Variants in FUT9 observed in about 807,000 individuals in gnomAD.
FUT9 encodes the protein fucosyltransferase 9.
FUT9 carries 15 observed loss-of-function variants against 29.7 expected under a neutral mutation model. The ratio of observed to expected loss-of-function variants is 0.51; its 90% CI spans 0.34 to 0.78. FUT9 has a LOEUF of 0.78. FUT9 is among the 30% of genes least tolerant of loss of function. The probability of loss-of-function intolerance (pLI) is 0.01; values close to 1 mark genes in which losing one functional copy is unlikely to be tolerated. For missense variants in FUT9, 319 were observed against 425.4 expected (o/e 0.75, Z 2.20); for synonymous variants, 169 against 153.7 (o/e 1.10, Z -0.74).
intron 2 of FUT9, among the ~76,000 whole-genome samples, chr6:96,169,735 CTG>C (rs1485047239): frequency 2.0e-5 from 3 of 152,062 alleles, no homozygotes; most frequent in Non-Finnish European, 4.4e-5. Flanking sequence ...TTTAAATGCT[CTG>C]TGTTTACCAA....
At chr6:96,031,517 A>G (rs533346029) in intron 1 of FUT9, among the ~76,000 whole-genome samples, 97 of 151,622 alleles carry the variant, frequency 6.4e-4, no homozygotes, top group African/African-American at 2.2e-3. Flanking sequence ...CTGCCCCCCA[A>G]GATCACGGCC....
At chr6:96,112,713 G>C (rs1331636137) in intron 1 of FUT9, among the ~76,000 whole-genome samples, 1 of 152,174 alleles carries the variant, frequency 6.6e-6, no homozygotes, top group Non-Finnish European at 1.5e-5. Flanking sequence ...TGCTTAACAA[G>C]TATTTTCGGT....
intron 2 of FUT9, among the ~76,000 whole-genome samples, chr6:96,172,718 C>G (rs539386838): frequency 1.3e-5 from 2 of 152,156 alleles, no homozygotes; most frequent in African/African-American, 4.8e-5. Flanking sequence ...CAAACAGGTT[C>G]TTCATCAAAA....
intron 2 of FUT9, among the ~76,000 whole-genome samples, chr6:96,187,318 T>C (rs1383105446): frequency 1.3e-5 from 2 of 152,110 alleles, no homozygotes; most frequent in Non-Finnish European, 2.9e-5. Context: ...TAGTCAGTTT[T>C]CCAACTGCAA....
intron 2 of FUT9, among the ~76,000 whole-genome samples, chr6:96,162,006 T>TA (rs1772913542): frequency 6.6e-6 from 1 of 152,222 alleles, no homozygotes; most frequent in Non-Finnish European, 1.5e-5. Context: ...GCATTTCTGT[T>TA]ACAGTGGTTT....
chr6:96,181,780 A>G (rs1183589640), intron 2 of FUT9, among the ~76,000 whole-genome samples: 3 of 152,016 alleles, frequency 2.0e-5, no homozygotes, highest in Non-Finnish European at 1.5e-5. Context: ...AGGGCTGAGT[A>G]GTATTCCACC....
intron 1 of FUT9, among the ~76,000 whole-genome samples, chr6:96,088,100 A>G (rs1396480897): frequency 6.6e-6 from 1 of 152,138 alleles, no homozygotes; most frequent in Non-Finnish European, 1.5e-5. Flanking sequence ...ATTACATAAT[A>G]TGTCTTCTTC....
At chr6:96,104,004 T>TC (rs1205172086) in intron 1 of FUT9, among the ~76,000 whole-genome samples, 1 of 152,204 alleles carries the variant, frequency 6.6e-6, no homozygotes, top group Non-Finnish European at 1.5e-5. Context: ...AACAGGCGGC[T>TC]AATCTCAGCT....
intron 1 of FUT9, among the ~76,000 whole-genome samples, chr6:96,046,990 C>A (rs1298674531): frequency 6.6e-6 from 1 of 152,154 alleles, no homozygotes. Flanking sequence ...AAAACTTTAT[C>A]TCTGAAACTG....
At chr6:96,029,060 C>A (rs924394544) in intron 1 of FUT9, among the ~76,000 whole-genome samples, 2 of 151,568 alleles carry the variant, frequency 1.3e-5, no homozygotes, top group African/African-American at 4.8e-5. Context: ...GTTCACCAGG[C>A]AAACAAATAT....
intron 1 of FUT9, among the ~76,000 whole-genome samples, chr6:96,021,372 C>T (rs1770066235): frequency 6.6e-6 from 1 of 151,670 alleles, no homozygotes; most frequent in Non-Finnish European, 1.5e-5. Context: ...TGATTCAGTC[C>T]TTGGAGGTCA....
chr6:96,149,376 C>A (rs1772635732), intron 2 of FUT9, among the ~76,000 whole-genome samples: 2 of 151,934 alleles, frequency 1.3e-5, no homozygotes, highest in Admixed American at 1.3e-4. Flanking sequence ...TACAATGGAA[C>A]ATTATGGGGA....
chr6:96,081,246 C>T (rs1370722688), intron 1 of FUT9, among the ~76,000 whole-genome samples: 1 of 151,650 alleles, frequency 6.6e-6, no homozygotes. Flanking sequence ...AATTAAATTG[C>T]CATCCATTTC....
intron 2 of FUT9, among the ~76,000 whole-genome samples, chr6:96,120,269 C>CTTTTTTTTTTT (rs11347804): frequency 1.4e-3 from 127 of 91,452 alleles, no homozygotes; most frequent in African/African-American, 1.8e-3. Context: ...TTTTTTCTTT[C>CTTTTTTTTTTT]TTTTTTTTTT....
intron 1 of FUT9, among the ~76,000 whole-genome samples, chr6:96,091,361 G>A (rs1771408489): frequency 6.6e-6 from 1 of 151,962 alleles, no homozygotes; most frequent in African/African-American, 2.4e-5. Context: ...AAGGAAGGAA[G>A]AACTCATAAA....
At chr6:96,057,983 C>T (rs1187370420) in intron 1 of FUT9, among the ~76,000 whole-genome samples, 1 of 152,080 alleles carries the variant, frequency 6.6e-6, no homozygotes, top group African/African-American at 2.4e-5. Flanking sequence ...TTTTTAAAAT[C>T]TGTAAATTCA....
At chr6:96,188,286 G>C (rs1169356936) in intron 2 of FUT9, among the ~76,000 whole-genome samples, 1 of 151,526 alleles carries the variant, frequency 6.6e-6, no homozygotes, top group Non-Finnish European at 1.5e-5. Flanking sequence ...ATAATTTTTA[G>C]AGATGGGACC....
intron 2 of FUT9, among the ~76,000 whole-genome samples, chr6:96,174,485 T>C (rs1055295657): frequency 3.3e-5 from 5 of 152,116 alleles, no homozygotes; most frequent in African/African-American, 4.8e-5. Flanking sequence ...GATAAGATTA[T>C]AGATTGGCAC....
intron 2 of FUT9, among the ~76,000 whole-genome samples, chr6:96,146,850 C>T (rs1270778628): frequency 1.3e-5 from 2 of 152,206 alleles, no homozygotes; most frequent in Non-Finnish European, 2.9e-5. Flanking sequence ...TTTATTGCTG[C>T]TAATTGACAA....
Sources: allele counts gnomAD v4.1 joint callset (sites outside exome capture counted in the v4.1 genomes callset), GRCh38; gene constraint gnomAD v4.1.1; transcripts MANE v1.5; gene names NCBI Gene and HGNC (gene_info 2026-07-23, HGNC 2026-07-21).